Variants in SPATA31D1 observed in about 807,000 individuals in gnomAD.
The protein encoded by SPATA31D1 is spermatogenesis-associated protein 31D1.
In SPATA31D1, 6 loss-of-function variants were observed where a neutral mutation model predicts 13.2. The observed-to-expected ratio is 0.46, with a 90% CI of 0.25 to 0.90. The LOEUF (loss-of-function observed/expected upper bound fraction) is 0.90. Ranked by LOEUF, SPATA31D1 falls within the 40% of genes least tolerant of loss-of-function variation. The pLI is 0.18. For synonymous variants in SPATA31D1, 903 were observed against 718.8 expected (o/e 1.26, Z -4.10); for missense variants, 2,445 against 1,884.7 (o/e 1.30, Z -5.50).
upstream of SPATA31D1, among the ~76,000 whole-genome samples, chr9:81,987,717 G>C (rs1453306061): frequency 6.6e-6 from 1 of 152,030 alleles, no homozygotes; most frequent in Non-Finnish European, 1.5e-5. Context: ...TGCATTATTA[G>C]TGAAACCATG....
chr9:81,993,798 A>T lies in SPATA31D1; in HGVS notation c.3328A>T (p.Arg1110Ter). ...TCAGAAACAGACTGTACTGGCCAGT[A>T]GATGCAGCGCAGAGCTGCCCATAAT... ...VSQKQTVLASRCSAELPIMQA... is the reference protein window; with the variant it reads ...VSQKQTVLAS The change falls in exon 4 of 4, where the codon AGA (arginine) becomes TGA (stop). Residue 1110 changes from arginine (R) to a stop codon, truncating the protein, a stop_gained. Transcript: ENST00000344803. LOFTEE classifies it low-confidence loss of function (END_TRUNC). The T allele has an allele frequency of 6.2e-7, 1 of 1,614,062 alleles. No homozygotes were observed. Among genetic ancestry groups the T allele is most frequent in the Non-Finnish European group, 8.5e-7 (1 of 1,179,900 alleles).
At position 81,993,556 on chromosome 9, in the gene SPATA31D1, C is replaced by G. The variant is rs761873914; in HGVS notation, c.3086C>G (p.Thr1029Ser). Residue 1029 changes from threonine to serine, a missense_variant, in exon 4 of 4, where the codon ACT becomes AGT. Physicochemically the swap from Thr to Ser is moderately conservative, Grantham distance 58. Transcript: ENST00000344803. The stretch of plus-strand genomic sequence containing the variant: ...GCCTCCACATCCCTTAGAAGAGGTA[C>G]TACAGATTTTCAAAGCGAAAAATTA... ...DGASTSLRRGTTDFQSEKLDS... is the reference protein window; with the variant it reads ...DGASTSLRRGSTDFQSEKLDS... The G allele has an allele frequency of 6.2e-7, 1 of 1,613,890 alleles. No homozygotes were observed. Among genetic ancestry groups the G allele is most frequent in the Non-Finnish European group, 8.5e-7 (1 of 1,179,856 alleles).
chr9:81,994,157 A>C lies in SPATA31D1; in HGVS notation c.3687A>C (p.Leu1229Phe). Residue 1229 changes from leucine to phenylalanine, a missense_variant, in exon 4 of 4, where the codon TTA becomes TTC. By Grantham distance (22) the Leu-to-Phe change is conservative. Transcript: ENST00000344803. The stretch of plus-strand genomic sequence containing the variant: ...ATTTCACTGACATGTCTTTTGCCTT[A>C]GATAACTTGAGTTCCAAGGACTTAC... Reference protein sequence around the residue: ...QSHFTDMSFALDNLSSKDLLT... With the variant: ...QSHFTDMSFAFDNLSSKDLLT... The C allele has an allele frequency of 6.2e-7, 1 of 1,614,038 alleles. No individual in the cohort carries two copies. The highest frequency in any genetic ancestry group is 8.5e-7 in the Non-Finnish European group (1 of 1,179,890).
chr9:81,989,953 C>G (rs1824918908), intron 2 of SPATA31D1, 130 bp downstream of exon 2: 1 of 1,059,366 alleles, frequency 9.4e-7, no homozygotes. Flanking sequence ...CCTCAGAAGA[C>G]AGGCTCATGG....
chr9:81,992,022 A>C lies in SPATA31D1; in HGVS notation c.1552A>C (p.Thr518Pro). Residue 518 changes from threonine to proline, a missense_variant, in exon 4 of 4, where the codon ACT (threonine) becomes CCT (proline). Coordinates refer to ENST00000344803, the MANE Select transcript of SPATA31D1 (RefSeq NM_001001670.3). ...PSLHSESLHP[T>P]VLVQRGHSSM... ...TTTGCACAGCGAGTCTCTGCATCCT[A>C]CTGTTCTTGTCCAACGTGGCCATTC... The C allele has an allele frequency of 1.9e-6, 3 of 1,613,636 alleles. No homozygotes were observed. The highest frequency in any genetic ancestry group is 2.7e-5 in the African/African-American group (2 of 74,992).
At position 81,991,494 on chromosome 9, in the gene SPATA31D1, A is replaced by G; in HGVS notation, c.1024A>G (p.Thr342Ala). The G allele has an allele frequency of 6.2e-7, 1 of 1,614,006 alleles. No individual in the cohort carries two copies. The highest frequency in any genetic ancestry group is 8.5e-7 in the Non-Finnish European group (1 of 1,179,888). Residue 342 changes from threonine (T) to alanine (A), a missense_variant, in exon 4 of 4, where the codon ACA becomes GCA. Transcript: ENST00000344803. ...GSGGSSTSAP[T>A]IKGIDHSHLA... ...TGGTGGGTCATCCACCTCTGCCCCAACAATCAAAGGCATTGACCATTCACA... is the reference window on the plus strand; with the variant it reads ...TGGTGGGTCATCCACCTCTGCCCCAGCAATCAAAGGCATTGACCATTCACA...
Position 81,992,597 on chromosome 9 carries a change from T to C in SPATA31D1, c.2127T>C (p.Ser709=), listed in dbSNP as rs752627498. The C allele has an allele frequency of 6.2e-7, 1 of 1,612,578 alleles. No homozygotes were observed. The highest frequency in any genetic ancestry group is 1.3e-5 in the African/African-American group (1 of 74,890). The change falls in exon 4 of 4, where the codon TCT becomes TCC. Residue 709 remains serine (S), a synonymous_variant. Coordinates refer to ENST00000344803, the MANE Select transcript of SPATA31D1 (RefSeq NM_001001670.3). ...RWGLPRRIHE[S]LSLLRPQSKI... is the part of the protein sequence containing the mutation. ...GCCTGCCCCGCAGAATCCATGAGTC[T>C]CTGTCATTGCTACGTCCTCAGAGCA... is the stretch of plus-strand genomic sequence containing the variant.
rs780138200 is a variant in SPATA31D1 at position 81,994,916 on chromosome 9, C to A, written c.4446C>A (p.Gly1482=). 1.2e-5 allele frequency: 20 copies of A among 1,613,790 alleles called. No homozygotes were observed. Among genetic ancestry groups the A allele is most frequent in the Admixed American group, 6.7e-5 (4 of 59,986 alleles). ...KSCSQQAIFV[G]QNYPTRIRQI... is the part of the protein sequence containing the mutation. Reference sequence around the variant, plus strand: ...GCAGCCAACAAGCTATCTTTGTTGGCCAGAATTATCCTACAAGGATTAGAC... The same window carrying A: ...GCAGCCAACAAGCTATCTTTGTTGGACAGAATTATCCTACAAGGATTAGAC... The change falls in exon 4 of 4, where the codon GGC becomes GGA. Residue 1482 remains glycine, a synonymous_variant. Coordinates refer to ENST00000344803, the MANE Select transcript of SPATA31D1 (RefSeq NM_001001670.3).
chr9:81,992,899 T>C lies in SPATA31D1; in HGVS notation c.2429T>C (p.Met810Thr), dbSNP rs771650425. The change falls in exon 4 of 4, where the codon ATG becomes ACG. Residue 810 changes from methionine (M) to threonine (T), a missense_variant. By Grantham distance (81) the Met-to-Thr change is moderately conservative (BLOSUM62 -1). Coordinates refer to ENST00000344803, the MANE Select transcript of SPATA31D1 (RefSeq NM_001001670.3). ...GAGAGAGACCTAGAAACTCATATGATGCATCTGTCAGGGAATGACTCAGGG... is the reference window on the plus strand; with the variant it reads ...GAGAGAGACCTAGAAACTCATATGACGCATCTGTCAGGGAATGACTCAGGG... The part of the protein sequence containing the change: ...NSERDLETHM[M>T]HLSGNDSGVR... 1.2e-6 allele frequency: 2 copies of C among 1,613,692 alleles called. No individual in the cohort carries two copies. Among genetic ancestry groups the C allele is most frequent in the Admixed American group, 1.7e-5 (1 of 60,002 alleles).
At chr9:81,987,817 A>G (rs1231919864), upstream of SPATA31D1, among the ~76,000 whole-genome samples, 2 of 152,114 alleles carry the variant, frequency 1.3e-5, no homozygotes, top group African/African-American at 4.8e-5. Context: ...AACTTACTAA[A>G]ATGCCAAAAC....
chr9:81,993,687 A>G lies in SPATA31D1; in HGVS notation c.3217A>G (p.Asn1073Asp). The G allele has an allele frequency of 7.4e-6, 12 of 1,613,854 alleles. No homozygotes were observed. Among genetic ancestry groups the G allele is most frequent in the Non-Finnish European group, 9.3e-6 (11 of 1,179,806 alleles). The change falls in exon 4 of 4, where the codon AAT becomes GAT. Residue 1073 changes from asparagine (N) to aspartate (D), a missense_variant. By Grantham distance (23) the Asn-to-Asp change is conservative. Transcript: ENST00000344803. ...TLRREFSDTD[N>D]DLTESVRTTE... ...GAGAAGAGAATTCTCTGATACTGAC[A>G]ATGATCTTACAGAAAGTGTCCGGAC...
In SPATA31D1 at chr9:81,991,607, G is replaced by C; in HGVS notation, c.1137G>C (p.Glu379Asp). ...TTGTGCCATCTGATTTCATGGAGGA[G>C]CTTCTTACCCTTCATTCTTCTGAGG... ...SNFVPSDFME[E>D]LLTLHSSEAF... Residue 379 changes from glutamate (E) to aspartate (D), a missense_variant, in exon 4 of 4, where the codon GAG (glutamate) becomes GAC (aspartate). Coordinates refer to ENST00000344803, the MANE Select transcript of SPATA31D1 (RefSeq NM_001001670.3). 1 of 1,613,968 alleles carries C rather than the reference G, an allele frequency of 6.2e-7. No individual in the cohort carries two copies.
chr9:81,991,482 A>C lies in SPATA31D1; in HGVS notation c.1012A>C (p.Thr338Pro), dbSNP rs759533865. 144 of 1,613,792 alleles carry C rather than the reference A, an allele frequency of 8.9e-5. No homozygotes were observed. Among genetic ancestry groups the C allele is most frequent in the Non-Finnish European group, 1.1e-4 (132 of 1,179,872 alleles). ...TCTAGGTGGCTCTGGTGGGTCATCCACCTCTGCCCCAACAATCAAAGGCAT... is the reference window on the plus strand; with the variant it reads ...TCTAGGTGGCTCTGGTGGGTCATCCCCCTCTGCCCCAACAATCAAAGGCAT... ...LSLGGSGGSS[T>P]SAPTIKGIDH... is the part of the protein sequence containing the mutation. The change falls in exon 4 of 4, where the codon ACC (threonine) becomes CCC (proline). Residue 338 changes from threonine (T) to proline (P), a missense_variant. By Grantham distance (38) the Thr-to-Pro change is conservative (BLOSUM62 -1). Transcript: ENST00000344803.
intron 2 of SPATA31D1, chr9:81,990,050 G>A (rs1340789431): frequency 1.8e-6 from 1 of 551,622 alleles, no homozygotes. Flanking sequence ...AGCAATGGGT[G>A]TTGCCCAATT....
chr9:81,993,321 ATC>A lies in SPATA31D1; in HGVS notation c.2856_2857del (p.Gln953GlyfsTer9), dbSNP rs780377074. On this transcript the variant is annotated frameshift_variant, in exon 4 of 4. Coordinates refer to ENST00000344803, the MANE Select transcript of SPATA31D1 (RefSeq NM_001001670.3). LOFTEE classifies it low-confidence loss of function (END_TRUNC). ...HFDLPSSATF[I>X]SQGDSKDGVS... is the part of the protein sequence containing the mutation. ...CGACCTTCCCTCCTCAGCCACCTTC[ATC>A]TCTCAGGGAGATTCCAAAGATGGGG... The A allele has an allele frequency of 6.2e-7, 1 of 1,613,942 alleles. No homozygotes were observed. Among genetic ancestry groups the A allele is most frequent in the Non-Finnish European group, 8.5e-7 (1 of 1,179,872 alleles).
In SPATA31D1 at chr9:81,994,660, C is replaced by CT; in HGVS notation, c.4191dup (p.Gly1398TrpfsTer4). On this transcript the variant is annotated frameshift_variant, in exon 4 of 4. Transcript: ENST00000344803. LOFTEE classifies it low-confidence loss of function (END_TRUNC). ...GGTCGAGTTATAAGAGCTGCCTTTACTGGGACTACTGAAGCTCAGAAAATT... is the reference window on the plus strand; with the variant it reads ...GGTCGAGTTATAAGAGCTGCCTTTACTTGGGACTACTGAAGCTCAGAAAATT... The CT allele has an allele frequency of 6.2e-7, 1 of 1,613,500 alleles. No homozygotes were observed.
At position 81,991,314 on chromosome 9, in the gene SPATA31D1, A is replaced by G; in HGVS notation, c.844A>G (p.Ile282Val). 6.2e-7 allele frequency: 1 copy of G among 1,614,044 alleles called. No homozygotes were observed. Among genetic ancestry groups the G allele is most frequent in the Non-Finnish European group, 8.5e-7 (1 of 1,179,898 alleles). ...FSFGSTLCQD[I>V]SQAMNPIDSC... The stretch of plus-strand genomic sequence containing the variant: ...ATTTGGCTCCACCCTATGCCAAGAT[A>G]TTTCGCAGGCCATGAATCCCATTGA... The change falls in exon 4 of 4, where the codon ATT (isoleucine) becomes GTT (valine). Residue 282 changes from isoleucine (I) to valine (V), a missense_variant. Physicochemically the swap from Ile to Val is conservative, Grantham distance 29. Transcript: ENST00000344803.
In SPATA31D1 at chr9:81,993,887, G is replaced by T. The variant is rs1668680568; in HGVS notation, c.3417G>T (p.Arg1139Ser). 1.9e-6 allele frequency: 3 copies of T among 1,613,846 alleles called. No homozygotes were observed. The highest frequency in any genetic ancestry group is 2.5e-6 in the Non-Finnish European group (3 of 1,179,902). ...AGAGTTCCTTTCATAATGTAGACAG[G>T]CTTCAGGGCAGTAGAAAGACCTTTC... ...KRKSSFHNVD[R>S]LQGSRKTFPV... The change falls in exon 4 of 4, where the codon AGG (arginine) becomes AGT (serine). Residue 1139 changes from arginine to serine, a missense_variant. Transcript: ENST00000344803.
Position 81,993,729 on chromosome 9 carries a change from CAG to C in SPATA31D1, c.3261_3262del (p.Gln1087HisfsTer23), listed in dbSNP as rs769127730. On this transcript the variant is annotated frameshift_variant, in exon 4 of 4. Transcript: ENST00000344803. LOFTEE classifies it low-confidence loss of function (END_TRUNC). The stretch of plus-strand genomic sequence containing the variant: ...TGTCCGGACAACAGAGGATGGCAGA[CAG>C]ACTTTTCTGCCCCCGCCACACAGCA... Reference protein sequence around the residue: ...ESVRTTEDGRQTFLPPPHSIV... With the variant: ...ESVRTTEDGRXTFLPPPHSIV... 3.7e-6 allele frequency: 6 copies of C among 1,613,862 alleles called. No individual in the cohort carries two copies. Among genetic ancestry groups the C allele is most frequent in the Non-Finnish European group, 5.1e-6 (6 of 1,179,886 alleles).
Sources: gnomAD v4.1 joint callset for allele counts (sites outside exome capture counted in the v4.1 genomes callset) on GRCh38, gnomAD v4.1.1 for gene constraint, MANE v1.5 for transcripts, NCBI Gene and HGNC (gene_info 2026-07-23, HGNC 2026-07-21) for gene names.